The following TENM3 variants were observed in gnomAD, a reference collection of about 807,000 sequenced individuals.
The protein encoded by TENM3 is teneurin-3.
A neutral mutation model predicts 255.1 loss-of-function variants in TENM3; 63 were observed. The observed-to-expected ratio is 0.25, with a 90% confidence interval of 0.20 to 0.30. The LOEUF is 0.30. Ranked by LOEUF, TENM3 falls within the 10% of genes least tolerant of loss-of-function variation. The pLI is 1.00. For missense variants in TENM3, 2,929 were observed against 3,461.1 expected, an observed-to-expected ratio of 0.85 and a Z score of 3.86; for synonymous variants, 1,306 against 1,322.3, an observed-to-expected ratio of 0.99 and a Z score of 0.27.
At chr4:181,758,176 A>T in the TENM3 span, among the ~76,000 whole-genome samples, 1 of 152,180 alleles carries the variant, frequency 6.6e-6, no homozygotes, top group African/African-American at 2.4e-5. Context: ...CTTGAATAAA[A>T]ATGCTTAGTG....
the TENM3 span, among the ~76,000 whole-genome samples, chr4:181,502,349 C>A: frequency 2.0e-5 from 3 of 152,056 alleles, no homozygotes; most frequent in African/African-American, 7.2e-5. Context: ...GCTGGGGATG[C>A]TGTGGGTGGT....
chr4:182,587,939 G>GGT (rs1339588521), intron 3 of TENM3, among the ~76,000 whole-genome samples: 1 of 151,952 alleles, frequency 6.6e-6, no homozygotes, highest in Admixed American at 6.6e-5. Context: ...AAGATAGTAT[G>GGT]GTAGGGTATT....
the TENM3 span, among the ~76,000 whole-genome samples, chr4:182,052,580 C>T: frequency 5.9e-5 from 9 of 152,170 alleles, no homozygotes; most frequent in African/African-American, 2.2e-4. Flanking sequence ...CTTCTTCACC[C>T]TTCAGTGCTT....
chr4:182,542,346 C>T (rs1359624389), intron 3 of TENM3, among the ~76,000 whole-genome samples: 1 of 152,104 alleles, frequency 6.6e-6, no homozygotes, highest in African/African-American at 2.4e-5. Context: ...CTGCCAAGTA[C>T]CTGAGGCACA....
chr4:182,340,533 A>G (rs1328981376), intron 2 of TENM3, among the ~76,000 whole-genome samples: 1 of 152,232 alleles, frequency 6.6e-6, no homozygotes, highest in Non-Finnish European at 1.5e-5. Flanking sequence ...CCTTATGAAT[A>G]AAGATTTGTA....
At chr4:182,019,043 CT>C in the TENM3 span, among the ~76,000 whole-genome samples, 3 of 152,192 alleles carry the variant, frequency 2.0e-5, no homozygotes, top group Non-Finnish European at 2.9e-5. Flanking sequence ...AAACAAGGTC[CT>C]GGCTTGGCCG....
chr4:182,688,360 A>C lies in TENM3; in HGVS notation c.2221+9A>C. On this transcript the variant is annotated intron_variant, in intron 12 of 27. Coordinates refer to ENST00000511685, the MANE Select transcript of TENM3 (RefSeq NM_001080477.4). ...AGAGCACTGCACTATCGGTAGGCTT[A>C]CTGCAAGTCTGTGTCTGTCCCCTTC... The C allele has an allele frequency of 6.4e-7, 1 of 1,571,334 alleles. No homozygotes were observed. Among genetic ancestry groups the C allele is most frequent in the Non-Finnish European group, 8.7e-7 (1 of 1,153,994 alleles).
At chr4:182,164,494 T>A (rs1160158601) in intron 1 of TENM3, among the ~76,000 whole-genome samples, 2 of 152,212 alleles carry the variant, frequency 1.3e-5, no homozygotes, top group African/African-American at 4.8e-5. Flanking sequence ...GACTTCCATG[T>A]TGACTTAATT....
intron 6 of TENM3, among the ~76,000 whole-genome samples, chr4:182,661,487 G>C (rs923925939): frequency 5.3e-5 from 8 of 152,040 alleles, no homozygotes; most frequent in African/African-American, 1.9e-4. Context: ...TTGTTCAATA[G>C]TGTTCATAGT....
intron 1 of TENM3, among the ~76,000 whole-genome samples, chr4:182,306,442 T>C (rs566980083): frequency 2.6e-5 from 4 of 152,340 alleles, no homozygotes; most frequent in African/African-American, 9.6e-5. Context: ...ATACATTTTA[T>C]ATGTATGTTA....
At chr4:182,045,977 G>A in the TENM3 span, among the ~76,000 whole-genome samples, 1 of 152,152 alleles carries the variant, frequency 6.6e-6, no homozygotes, top group African/African-American at 2.4e-5. Flanking sequence ...GAGCCCAGGA[G>A]GTCGAGGTCA....
the TENM3 span, among the ~76,000 whole-genome samples, chr4:182,038,057 C>A: frequency 6.6e-6 from 1 of 152,090 alleles, no homozygotes; most frequent in African/African-American, 2.4e-5. Context: ...ATACTTTTTT[C>A]TACTTCGCGT....
the TENM3 span, among the ~76,000 whole-genome samples, chr4:182,093,704 C>T: frequency 6.6e-6 from 1 of 152,152 alleles, no homozygotes; most frequent in East Asian, 1.9e-4. Context: ...CCCAGAAAGG[C>T]TAAGAAGGGG....
chr4:182,264,817 A>C (rs1468255837), intron 1 of TENM3, among the ~76,000 whole-genome samples: 1 of 152,230 alleles, frequency 6.6e-6, no homozygotes, highest in East Asian at 1.9e-4. Flanking sequence ...TCTTTTTTAA[A>C]GAGCACTATG....
chr4:182,640,452 G>A (rs563560666), intron 5 of TENM3, among the ~76,000 whole-genome samples: 2 of 152,296 alleles, frequency 1.3e-5, no homozygotes, highest in South Asian at 4.2e-4. Context: ...AAGCCTATAT[G>A]AGTTACATAG....
At chr4:181,618,617 A>C in the TENM3 span, among the ~76,000 whole-genome samples, 2 of 152,076 alleles carry the variant, frequency 1.3e-5, no homozygotes, top group African/African-American at 4.8e-5. Flanking sequence ...TATAGGTAGA[A>C]CTCATCCTAC....
At chr4:182,215,120 ATG>A (rs1370704370) in intron 1 of TENM3, among the ~76,000 whole-genome samples, 2 of 152,176 alleles carry the variant, frequency 1.3e-5, no homozygotes, top group Non-Finnish European at 2.9e-5. Context: ...TAGAGTGCAA[ATG>A]AAGTGCTGAG....
At chr4:182,165,733 C>T (rs1253155665) in intron 1 of TENM3, among the ~76,000 whole-genome samples, 1 of 152,192 alleles carries the variant, frequency 6.6e-6, no homozygotes, top group Non-Finnish European at 1.5e-5. Context: ...CTGAGTGACT[C>T]CCCTTTCACT....
At chr4:182,008,911 G>A in the TENM3 span, among the ~76,000 whole-genome samples, 2 of 152,026 alleles carry the variant, frequency 1.3e-5, no homozygotes, top group African/African-American at 4.8e-5. Context: ...TTTTTGTGGG[G>A]ACTTTTTGTT....
Sources: allele counts gnomAD v4.1 joint callset (sites outside exome capture counted in the v4.1 genomes callset), GRCh38; gene constraint gnomAD v4.1.1; transcripts MANE v1.5; gene names NCBI Gene and HGNC (gene_info 2026-07-23, HGNC 2026-07-21).